Variants in SNRPD3 observed in about 807,000 individuals in gnomAD.
SNRPD3 encodes small nuclear ribonucleoprotein D3 polypeptide, also known as small nuclear ribonucleoprotein Sm D3.
For missense variants in SNRPD3, 73 were observed against 167.5 expected (o/e 0.44, Z 3.11); for synonymous variants, 66 against 58.4 (o/e 1.13, Z -0.59).
Position 24,567,832 on chromosome 22 carries a change from G to A in SNRPD3, c.127-152G>A, listed in dbSNP as rs1420178310. The A allele has an allele frequency of 6.5e-6, 4 of 618,244 alleles. No individual in the cohort carries two copies. In the African/African-American group the frequency reaches 7.4e-5, roughly 11 times the overall value. 38.3% of individuals were successfully genotyped at this position (618,244 alleles called of 1,614,324 possible). ...TAAAGTGCTCAGTGCAGTCCCTGGT[G>A]TACACAGTTAGTACCGATGATTGCT... On this transcript the variant is annotated intron_variant, in intron 2 of 3. Coordinates refer to ENST00000215829, the MANE Select transcript of SNRPD3 (RefSeq NM_004175.5).
intron 2 of SNRPD3, among the ~76,000 whole-genome samples, chr22:24,560,183 C>A (rs1366802189): frequency 1.4e-5 from 2 of 146,182 alleles, no homozygotes; most frequent in Non-Finnish European, 3.0e-5. Flanking sequence ...GTGGCGCGAT[C>A]TTGGCTCACT....
At position 24,567,759 on chromosome 22, in the gene SNRPD3, G is replaced by A. The variant is rs973657384; in HGVS notation, c.127-225G>A. 3.3e-4 allele frequency among the ~76,000 whole-genome samples: 22 copies of A among 65,994 alleles called. No individual in the cohort carries two copies. The East Asian group carries it at 0.014, about 41-fold the overall frequency. 43.3% of individuals were successfully genotyped at this position (65,994 alleles called of 152,430 possible). A position where few individuals can be genotyped will look rare whatever the true frequency, so the allele number is the denominator to read the frequency against. On this transcript the variant is annotated intron_variant, in intron 2 of 3. Transcript: ENST00000215829. ...GAAACTCCATCTCAAAAAAAAAAGG[G>A]GGGGAGCACTCATACCCACGCTGAA...
chr22:24,560,529 C>G (rs1450306079), intron 2 of SNRPD3, among the ~76,000 whole-genome samples: 1 of 141,244 alleles, frequency 7.1e-6, no homozygotes, highest in Non-Finnish European at 1.5e-5. Flanking sequence ...ACTGCAACCT[C>G]TGCCTCCTGG....
At chr22:24,567,704 C>T (rs993572758) in intron 2 of SNRPD3, among the ~76,000 whole-genome samples, 5 of 151,974 alleles carry the variant, frequency 3.3e-5, no homozygotes, top group African/African-American at 1.2e-4. Context: ...CGAGATTGCA[C>T]CATTGCACTT....
At chr22:24,557,943 G>A (rs927970039) in intron 2 of SNRPD3, 143 bp downstream of exon 2, 15 of 713,546 alleles carry the variant, frequency 2.1e-5, no homozygotes, top group Admixed American at 1.8e-4. Context: ...GTCAGGTGCT[G>A]TTATAGGCTC....
chr22:24,567,378 G>A (rs2045205927), intron 2 of SNRPD3, among the ~76,000 whole-genome samples: 1 of 152,176 alleles, frequency 6.6e-6, no homozygotes, highest in South Asian at 2.1e-4. Context: ...TAGGCCAGCT[G>A]GTTCGAATCT....
In SNRPD3 at chr22:24,559,800, CA is replaced by C. The variant is rs546648654; in HGVS notation, c.126+2003del. On this transcript the variant is annotated intron_variant, in intron 2 of 3. Transcript: ENST00000215829. The stretch of plus-strand genomic sequence containing the variant: ...TATTTGTATGCTAGTGCTACCATAA[CA>C]AAGTTTCACAGACTGGGCAGCTTAG... 2.0e-4 allele frequency among the ~76,000 whole-genome samples: 31 copies of C among 152,184 alleles called. 1 individual carries two copies. In the South Asian group the frequency reaches 5.0e-3, roughly 24 times the overall value.
chr22:24,569,034 T>C (rs1018551711), intron 3 of SNRPD3, among the ~76,000 whole-genome samples: 1 of 151,916 alleles, frequency 6.6e-6, no homozygotes, highest in Non-Finnish European at 1.5e-5. Context: ...AGAAGTTCTG[T>C]GTGAGAGGTG....
At chr22:24,557,233 C>G (rs771304341) in intron 1 of SNRPD3, among the ~76,000 whole-genome samples, 14 of 152,000 alleles carry the variant, frequency 9.2e-5, no homozygotes, top group Non-Finnish European at 1.6e-4. Context: ...TTGGACAGCT[C>G]GGGCCTGTAT....
Position 24,564,883 on chromosome 22 carries a change from C to CTTTTTTTTTTTTTTT in SNRPD3, c.127-3101_127-3100insTTTTTTTTTTTTTTT, listed in dbSNP as rs371010665. ...GCATTTAGACATACTTTGCCTTGTT[C>CTTTTTTTTTTTTTTT]ATTTTTTTTTTTTTTTTTTTGACAG... On this transcript the variant is annotated intron_variant, in intron 2 of 3. Coordinates refer to ENST00000215829, the MANE Select transcript of SNRPD3 (RefSeq NM_004175.5). Among the ~76,000 whole-genome samples the CTTTTTTTTTTTTTTT allele has an allele frequency of 1.6e-5, 2 of 127,166 alleles. 1 individual carries two copies. 83.4% of individuals were successfully genotyped at this position (127,166 alleles called of 152,430 possible). A position where few individuals can be genotyped will look rare whatever the true frequency, so the allele number is the denominator to read the frequency against.
In SNRPD3 at chr22:24,572,338, A is replaced by G. The variant is rs2045257200; in HGVS notation, c.*361A>G. 1.7e-6 allele frequency: 1 copy of G among 582,322 alleles called. No individual in the cohort carries two copies. The highest frequency in any genetic ancestry group is 1.9e-5 in the African/African-American group (1 of 53,752). 36.1% of individuals were successfully genotyped at this position (582,322 alleles called of 1,614,324 possible). On this transcript the variant is annotated 3_prime_UTR_variant, in exon 4 of 4. Transcript: ENST00000215829. ...AGTTCACCTTGGAGAAGCTCCGAGA[A>G]CACACAGATTGTGTCTCATTCATCT...
intron 2 of SNRPD3, among the ~76,000 whole-genome samples, chr22:24,558,423 T>A (rs2045101339): frequency 6.6e-6 from 1 of 152,268 alleles, no homozygotes; most frequent in Admixed American, 6.5e-5. Context: ...ACACTTTCTT[T>A]GTTCTTTAAA....
At chr22:24,567,592 C>A (rs7289915) in intron 2 of SNRPD3, among the ~76,000 whole-genome samples, 110,867 of 151,978 alleles carry the variant, frequency 0.73, 42,255 homozygotes, top group East Asian at 0.85. Context: ...ACTAAAAATA[C>A]AAAATTAGCC....
intron 3 of SNRPD3, among the ~76,000 whole-genome samples, chr22:24,569,089 G>A (rs905894339): frequency 4.6e-5 from 7 of 152,134 alleles, no homozygotes; most frequent in Non-Finnish European, 7.4e-5. Context: ...GACACAGCCC[G>A]GAGCAGATGA....
Position 24,557,695 on chromosome 22 carries a change from T to C in SNRPD3, c.21T>C (p.Ile7=). The change falls in exon 2 of 4, where the codon ATT becomes ATC. Residue 7 remains isoleucine (I), a synonymous_variant. Transcript: ENST00000215829. ...CCAAGATGTCTATTGGTGTGCCGAT[T>C]AAAGTACTGCATGAGGCCGAGGGCC... The part of the protein sequence containing the change: MSIGVP[I]KVLHEAEGHI... 1 of 1,613,002 alleles carries C rather than the reference T, an allele frequency of 6.2e-7. No homozygotes were observed. Among genetic ancestry groups the C allele is most frequent in the Non-Finnish European group, 8.5e-7 (1 of 1,179,314 alleles).
rs750221647 is a variant in SNRPD3 at position 24,563,258 on chromosome 22, GTA to G, written c.127-4720_127-4719del. Among the ~76,000 whole-genome samples, 46 of 40,364 alleles carry G rather than the reference GTA, an allele frequency of 1.1e-3. 1 individual carries two copies. The highest frequency in any genetic ancestry group is 3.6e-3 in the African/African-American group (44 of 12,362). 26.5% of individuals were successfully genotyped at this position (40,364 alleles called of 152,430 possible). On this transcript the variant is annotated intron_variant, in intron 2 of 3. Coordinates refer to ENST00000215829, the MANE Select transcript of SNRPD3 (RefSeq NM_004175.5). ...TGTGTGTGTGTATGTGTGTATGTAT[GTA>G]TATATGTATGTATATATATGTGTGT... is the stretch of plus-strand genomic sequence containing the variant.
rs1409409813 is a variant in SNRPD3 at position 24,574,554 on chromosome 22, G to A, written c.*2577G>A. 6.6e-6 allele frequency among the ~76,000 whole-genome samples: 1 copy of A among 151,840 alleles called. No homozygotes were observed. The highest frequency in any genetic ancestry group is 1.5e-5 in the Non-Finnish European group (1 of 67,944). On this transcript the variant is annotated 3_prime_UTR_variant, in exon 4 of 4. Transcript: ENST00000215829. ...ACTATTCCTTGATGGTTTTTTGTTT[G>A]CTTGTTTTAAGACGGTCTCACTCTT...
intron 1 of SNRPD3, among the ~76,000 whole-genome samples, chr22:24,557,042 GA>G (rs1171560868): frequency 2.0e-5 from 3 of 152,224 alleles, no homozygotes; most frequent in Non-Finnish European, 4.4e-5. Context: ...TGCTCTCCTA[GA>G]TGTGCATGGT....
intron 3 of SNRPD3, among the ~76,000 whole-genome samples, chr22:24,568,509 TTTTTTATTTTTAATTTA>T (rs1426933713): frequency 1.3e-5 from 2 of 151,594 alleles, no homozygotes; most frequent in African/African-American, 4.8e-5. Flanking sequence ...CCTAGCTAAT[TTTTTTATTTTTAATTTA>T]TTTTTATTTT....
Sources: gnomAD v4.1 joint callset for allele counts (sites outside exome capture counted in the v4.1 genomes callset) on GRCh38, gnomAD v4.1.1 for gene constraint, MANE v1.5 for transcripts, NCBI Gene and HGNC (gene_info 2026-07-23, HGNC 2026-07-21) for gene names.